The following CMSS1 variants were observed in gnomAD, a reference collection of about 807,000 sequenced individuals.
CMSS1 encodes the protein protein CMSS1.
In CMSS1, 33 loss-of-function variants were observed where a neutral mutation model predicts 43.5. The ratio of observed to expected loss-of-function variants is 0.76; its 90% CI spans 0.57 to 1.01. The LOEUF is 1.01. Among genes scored for constraint, CMSS1 ranks in the 50% least tolerant of loss-of-function variants. The probability of loss-of-function intolerance (pLI) is 0.00; values close to 1 mark genes in which losing one functional copy is unlikely to be tolerated. For synonymous variants in CMSS1, 115 were observed against 117.2 expected (o/e 0.98, Z 0.12); for missense variants, 313 against 326.4 (o/e 0.96, Z 0.32).
At position 100,091,324 on chromosome 3, in the gene CMSS1, A is replaced by T. The variant is rs140752825; in HGVS notation, c.65-55649A>T. Among the ~76,000 whole-genome samples, 646 of 151,934 alleles carry T rather than the reference A, an allele frequency of 4.3e-3. 7 individuals carry two copies. The highest frequency in any genetic ancestry group is 0.015 in the African/African-American group (633 of 41,486). ...AAAAGAAAAAAGAAACCCTGCCTTTAAGGGGTGTGCATGTATGTATGTGTA... is the reference window on the plus strand; with the variant it reads ...AAAAGAAAAAAGAAACCCTGCCTTTTAGGGGTGTGCATGTATGTATGTGTA... On this transcript the variant is annotated intron_variant, in intron 1 of 9. Coordinates refer to ENST00000421999, the MANE Select transcript of CMSS1 (RefSeq NM_032359.4).
chr3:99,842,126 A>G (rs1015487652), intron 1 of CMSS1, among the ~76,000 whole-genome samples: 1 of 152,200 alleles, frequency 6.6e-6, no homozygotes, highest in Non-Finnish European at 1.5e-5. Flanking sequence ...AATGTGGTAT[A>G]TATACACCAT....
intron 1 of CMSS1, among the ~76,000 whole-genome samples, chr3:100,085,827 T>C (rs990496081): frequency 3.3e-4 from 50 of 152,242 alleles, no homozygotes; most frequent in African/African-American, 1.1e-3. Flanking sequence ...TGTGTTTCTC[T>C]GGAGACCTCG....
intron 1 of CMSS1, among the ~76,000 whole-genome samples, chr3:99,846,149 C>T (rs1305808575): frequency 2.0e-5 from 3 of 152,100 alleles, no homozygotes; most frequent in Admixed American, 1.3e-4. Context: ...GATTTCTTCC[C>T]TCCCCCCGTC....
intron 8 of CMSS1, among the ~76,000 whole-genome samples, chr3:100,172,924 A>C (rs1237422140): frequency 6.6e-6 from 1 of 152,242 alleles, no homozygotes; most frequent in African/African-American, 2.4e-5. Context: ...TCTCAAAGCC[A>C]GTAGCCTAAG....
At chr3:100,119,290 A>C (rs572535307) in intron 1 of CMSS1, among the ~76,000 whole-genome samples, 3 of 152,336 alleles carry the variant, frequency 2.0e-5, no homozygotes, top group Non-Finnish European at 4.4e-5. Context: ...CTTGTAGCAG[A>C]GCTAGATCAC....
intron 1 of CMSS1, among the ~76,000 whole-genome samples, chr3:99,971,884 CTT>C (rs1293690322): frequency 6.6e-5 from 10 of 152,146 alleles, no homozygotes; most frequent in Non-Finnish European, 1.5e-4. Context: ...CCTATATACT[CTT>C]TTGGTAGGAT....
At chr3:100,000,239 G>C (rs904826058) in intron 1 of CMSS1, among the ~76,000 whole-genome samples, 5 of 152,064 alleles carry the variant, frequency 3.3e-5, no homozygotes, top group Non-Finnish European at 7.4e-5. Context: ...AATATTGTCC[G>C]GTGACCTTGC....
intron 1 of CMSS1, among the ~76,000 whole-genome samples, chr3:99,960,525 T>G (rs1708459636): frequency 6.6e-6 from 1 of 152,170 alleles, no homozygotes. Context: ...CAGCGTGAAG[T>G]GAAATAATCT....
At chr3:100,119,122 G>A (rs1461844279) in intron 1 of CMSS1, among the ~76,000 whole-genome samples, 1 of 151,922 alleles carries the variant, frequency 6.6e-6, no homozygotes, top group African/African-American at 2.4e-5. Flanking sequence ...AATGATTCAG[G>A]GAAGCCTAAT....
intron 1 of CMSS1, among the ~76,000 whole-genome samples, chr3:99,878,091 T>A (rs1239686303): frequency 1.3e-5 from 2 of 152,230 alleles, no homozygotes; most frequent in Non-Finnish European, 2.9e-5. Flanking sequence ...GGGCTTCTAC[T>A]CCTTGTATGC....
intron 1 of CMSS1, among the ~76,000 whole-genome samples, chr3:99,882,017 A>G (rs1181599315): frequency 6.6e-6 from 1 of 152,216 alleles, no homozygotes; most frequent in African/African-American, 2.4e-5. Context: ...TAGTTGACCA[A>G]CTAAGAGTAG....
intron 1 of CMSS1, among the ~76,000 whole-genome samples, chr3:100,072,841 A>G (rs1427090475): frequency 6.6e-6 from 1 of 152,076 alleles, no homozygotes; most frequent in Non-Finnish European, 1.5e-5. Flanking sequence ...ACAAGAAATA[A>G]TCCTCTCCTT....
At chr3:99,892,741 G>GGCTT (rs773676264) in intron 1 of CMSS1, among the ~76,000 whole-genome samples, 62 of 152,196 alleles carry the variant, frequency 4.1e-4, no homozygotes, top group South Asian at 8.3e-4. Context: ...CACCCTCAAA[G>GGCTT]GCTTGCCCTT....
chr3:100,126,536 T>C (rs949110307), intron 1 of CMSS1, among the ~76,000 whole-genome samples: 4 of 152,244 alleles, frequency 2.6e-5, no homozygotes, highest in African/African-American at 7.2e-5. Flanking sequence ...ATTATATCTT[T>C]ATCATAAGTC....
At chr3:99,983,806 T>C (rs1709246022) in intron 1 of CMSS1, among the ~76,000 whole-genome samples, 1 of 151,254 alleles carries the variant, frequency 6.6e-6, no homozygotes, top group Non-Finnish European at 1.5e-5. Flanking sequence ...AAAAGTAAAA[T>C]CAGAGGATGA....
At chr3:99,929,802 G>C in intron 1 of CMSS1, 4 of 1,345,642 alleles carry the variant, frequency 3.0e-6, no homozygotes, top group Non-Finnish European at 4.1e-6. Context: ...ATGCTCATCT[G>C]CAGGGCTAGT....
intron 1 of CMSS1, among the ~76,000 whole-genome samples, chr3:100,121,953 G>A (rs780993517): frequency 2.6e-5 from 4 of 152,240 alleles, no homozygotes; most frequent in South Asian, 2.1e-4. Flanking sequence ...AGAAGGCTGC[G>A]GCACAATTCC....
intron 1 of CMSS1, among the ~76,000 whole-genome samples, chr3:100,001,396 T>G (rs936445268): frequency 2.0e-5 from 3 of 152,212 alleles, no homozygotes; most frequent in African/African-American, 7.2e-5. Context: ...TATTACTATC[T>G]GGCTTTTTAG....
intron 1 of CMSS1, among the ~76,000 whole-genome samples, chr3:100,058,976 A>C (rs2065512562): frequency 6.6e-6 from 1 of 152,252 alleles, no homozygotes; most frequent in African/African-American, 2.4e-5. Flanking sequence ...GTTCAGGAAA[A>C]GGTCCTTGGT....
Sources: gnomAD v4.1 joint callset for allele counts (sites outside exome capture counted in the v4.1 genomes callset) on GRCh38, gnomAD v4.1.1 for gene constraint, MANE v1.5 for transcripts, NCBI Gene and HGNC (gene_info 2026-07-23, HGNC 2026-07-21) for gene names.